CSNK2A2IP: variants seen among roughly 807,000 people sequenced by gnomAD.
CSNK2A2IP encodes casein kinase 2 subunit alpha' interacting protein.
the CSNK2A2IP span, among the ~76,000 whole-genome samples, chr3:88,419,853 T>G: frequency 3.1e-4 from 47 of 152,290 alleles, no homozygotes; most frequent in African/African-American, 1.1e-3. Context: ...CCGTTTGCTT[T>G]AAGTGTCAAG....
chr3:88,347,491 A>G, the CSNK2A2IP span, among the ~76,000 whole-genome samples: 1 of 152,074 alleles, frequency 6.6e-6, no homozygotes, highest in Non-Finnish European at 1.5e-5. Flanking sequence ...CATTGAGGCA[A>G]GAGCCTCCAT....
At chr3:88,383,194 C>T in the CSNK2A2IP span, among the ~76,000 whole-genome samples, 1 of 152,198 alleles carries the variant, frequency 6.6e-6, no homozygotes, top group African/African-American at 2.4e-5. Context: ...GGGCCTACCC[C>T]TTAACTCTCA....
the CSNK2A2IP span, among the ~76,000 whole-genome samples, chr3:88,405,454 G>A: frequency 1.3e-5 from 2 of 152,168 alleles, no homozygotes; most frequent in African/African-American, 2.4e-5. Flanking sequence ...CTTCCCTGTA[G>A]GATCACCTCA....
the CSNK2A2IP span, among the ~76,000 whole-genome samples, chr3:88,461,419 G>A: frequency 6.6e-6 from 1 of 152,018 alleles, no homozygotes; most frequent in Non-Finnish European, 1.5e-5. Context: ...CGGGCGTGGT[G>A]GTGGGCGCCT....
the CSNK2A2IP span, among the ~76,000 whole-genome samples, chr3:88,385,066 A>C: frequency 5.3e-5 from 8 of 152,186 alleles, no homozygotes; most frequent in Admixed American, 1.3e-4. Context: ...TTAGATGGAG[A>C]TGAAGATTTG....
the CSNK2A2IP span, among the ~76,000 whole-genome samples, chr3:88,354,154 T>C: frequency 2.0e-5 from 3 of 152,218 alleles, no homozygotes; most frequent in African/African-American, 7.2e-5. Flanking sequence ...CAGTTGCTGA[T>C]GCTACCCTTC....
At chr3:88,455,136 C>T in the CSNK2A2IP span, among the ~76,000 whole-genome samples, 1 of 151,876 alleles carries the variant, frequency 6.6e-6, no homozygotes, top group East Asian at 1.9e-4. Flanking sequence ...ATACATTCAT[C>T]TACTGACTGA....
At chr3:88,426,776 T>C in the CSNK2A2IP span, among the ~76,000 whole-genome samples, 1 of 152,038 alleles carries the variant, frequency 6.6e-6, no homozygotes, top group African/African-American at 2.4e-5. Context: ...TCCCCAGTCC[T>C]ATGGAACTGT....
chr3:88,432,523 C>G, the CSNK2A2IP span, among the ~76,000 whole-genome samples: 8 of 151,656 alleles, frequency 5.3e-5, no homozygotes, highest in African/African-American at 1.9e-4. Flanking sequence ...GGAGAGGCAA[C>G]TATATGTTAA....
the CSNK2A2IP span, among the ~76,000 whole-genome samples, chr3:88,432,852 C>T: frequency 1.3e-5 from 2 of 150,324 alleles, no homozygotes; most frequent in Admixed American, 1.3e-4. Context: ...TAACTGATTC[C>T]CTGGTCATTA....
the CSNK2A2IP span, among the ~76,000 whole-genome samples, chr3:88,459,284 GT>G: frequency 6.6e-6 from 1 of 151,972 alleles, no homozygotes; most frequent in Non-Finnish European, 1.5e-5. Flanking sequence ...GGATACCTGT[GT>G]TTTTATTGAA....
chr3:88,451,345 C>T, the CSNK2A2IP span, among the ~76,000 whole-genome samples: 14 of 151,292 alleles, frequency 9.3e-5, no homozygotes, highest in Non-Finnish European at 1.3e-4. Context: ...ATGTTGATTG[C>T]CTTTTAATAT....
At chr3:88,368,731 T>G in the CSNK2A2IP span, among the ~76,000 whole-genome samples, 1 of 152,108 alleles carries the variant, frequency 6.6e-6, no homozygotes, top group Non-Finnish European at 1.5e-5. Flanking sequence ...TCTTTTATTT[T>G]CTTTCCCAAT....
At chr3:88,342,890 A>G in the CSNK2A2IP span, among the ~76,000 whole-genome samples, 1 of 151,974 alleles carries the variant, frequency 6.6e-6, no homozygotes, top group Non-Finnish European at 1.5e-5. Context: ...TTGGTAGCCA[A>G]TAGCCACCAA....
the CSNK2A2IP span, chr3:88,466,029 C>T: frequency 1.0e-3 from 1,275 of 1,231,670 alleles, 15 homozygotes; most frequent in African/African-American, 0.018. Context: ...AGAAAACATC[C>T]TCATTGGACT....
At chr3:88,376,254 A>ATCT in the CSNK2A2IP span, among the ~76,000 whole-genome samples, 4 of 151,638 alleles carry the variant, frequency 2.6e-5, no homozygotes, top group African/African-American at 9.7e-5. Flanking sequence ...CCACTCTAAA[A>ATCT]CATATTAATT....
chr3:88,343,488 A>G, the CSNK2A2IP span, among the ~76,000 whole-genome samples: 2 of 151,978 alleles, frequency 1.3e-5, no homozygotes, highest in Non-Finnish European at 2.9e-5. Context: ...CGTGGTTATG[A>G]GTCATTAGTT....
the CSNK2A2IP span, among the ~76,000 whole-genome samples, chr3:88,348,888 A>G: frequency 2.0e-5 from 3 of 152,076 alleles, no homozygotes; most frequent in African/African-American, 4.8e-5. Flanking sequence ...GCTTGTGGAT[A>G]TATCCAATTC....
the CSNK2A2IP span, among the ~76,000 whole-genome samples, chr3:88,379,914 C>T: frequency 1.3e-5 from 2 of 152,014 alleles, no homozygotes; most frequent in African/African-American, 4.8e-5. Flanking sequence ...AAACAACTTC[C>T]GCAGAAGTGA....
Sources: gnomAD v4.1 joint callset for allele counts (sites outside exome capture counted in the v4.1 genomes callset) on GRCh38, gnomAD v4.1.1 for gene constraint, MANE v1.5 for transcripts, NCBI Gene and HGNC (gene_info 2026-07-23, HGNC 2026-07-21) for gene names.